MAP6: variants seen among roughly 807,000 people sequenced by gnomAD.
MAP6 encodes microtubule associated protein 6, also known as microtubule-associated protein 6.
MAP6 carries 26 observed loss-of-function variants against 42.4 expected under a neutral mutation model. The ratio of observed to expected loss-of-function variants is 0.61; its 90% CI spans 0.45 to 0.85. The LOEUF is 0.85. Among genes scored for constraint, MAP6 ranks in the 40% least tolerant of loss-of-function variants. The pLI, the probability that MAP6 is intolerant of heterozygous loss-of-function variation, is 0.00. For missense variants in MAP6, 966 were observed against 1,099.0 expected, an observed-to-expected ratio of 0.88 and a Z score of 1.71; for synonymous variants, 418 against 443.8, an observed-to-expected ratio of 0.94 and a Z score of 0.73.
chr11:75,618,617 C>T (rs138330717), intron 1 of MAP6, among the ~76,000 whole-genome samples: 71 of 152,110 alleles, frequency 4.7e-4, no homozygotes, highest in African/African-American at 1.6e-3. Context: ...AAAAAATTGA[C>T]TCTTATCCCT....
chr11:75,637,650 G>C (rs1177218376), intron 1 of MAP6, among the ~76,000 whole-genome samples: 1 of 152,212 alleles, frequency 6.6e-6, no homozygotes, highest in Non-Finnish European at 1.5e-5. Flanking sequence ...CACAAACCCT[G>C]CTGTCAGCCT....
chr11:75,633,225 TC>T lies in MAP6; in HGVS notation c.906-24904del, dbSNP rs756822953. Among the ~76,000 whole-genome samples the T allele has an allele frequency of 1.1e-3, 161 of 152,316 alleles. 1 individual carries two copies. The highest frequency in any genetic ancestry group is 2.4e-3 in the Admixed American group (36 of 15,310). Reference sequence around the variant, plus strand: ...GCTTGGGTTTGCTCATAAATCCCAATCCCACAGGACTTACGAAGGCAAATGA... The same window carrying T: ...GCTTGGGTTTGCTCATAAATCCCAATCCACAGGACTTACGAAGGCAAATGA... On this transcript the variant is annotated intron_variant, in intron 1 of 3. Coordinates refer to ENST00000304771, the MANE Select transcript of MAP6 (RefSeq NM_033063.2).
chr11:75,633,054 C>T (rs530260518), intron 1 of MAP6, among the ~76,000 whole-genome samples: 9 of 148,768 alleles, frequency 6.0e-5, no homozygotes, highest in African/African-American at 2.2e-4. Flanking sequence ...TTTAAAGGTA[C>T]TAATAGCATA....
chr11:75,597,901 TG>T (rs951872197), intron 3 of MAP6, among the ~76,000 whole-genome samples: 44 of 152,360 alleles, frequency 2.9e-4, no homozygotes, highest in African/African-American at 1.1e-3. Flanking sequence ...GCTGCCATAC[TG>T]TTAGGGACCA....
chr11:75,627,117 T>C (rs1943210889), intron 1 of MAP6, among the ~76,000 whole-genome samples: 1 of 152,194 alleles, frequency 6.6e-6, no homozygotes, highest in South Asian at 2.1e-4. Context: ...AGAGAGGAAA[T>C]ATGCAGAGCA....
chr11:75,649,166 T>C (rs956795549), intron 1 of MAP6, among the ~76,000 whole-genome samples: 1 of 152,002 alleles, frequency 6.6e-6, no homozygotes, highest in African/African-American at 2.4e-5. Flanking sequence ...ATAAATAATA[T>C]GTGATATTGT....
At chr11:75,613,674 G>C (rs1349063993) in intron 1 of MAP6, among the ~76,000 whole-genome samples, 1 of 152,202 alleles carries the variant, frequency 6.6e-6, no homozygotes, top group African/African-American at 2.4e-5. Flanking sequence ...AATCCTGCAG[G>C]GGCAGAAAGA....
intron 1 of MAP6, among the ~76,000 whole-genome samples, chr11:75,637,314 A>G (rs1039236167): frequency 6.6e-6 from 1 of 152,224 alleles, no homozygotes; most frequent in Non-Finnish European, 1.5e-5. Flanking sequence ...CAATCATGCA[A>G]GAAAAGCATT....
intron 1 of MAP6, among the ~76,000 whole-genome samples, chr11:75,655,196 T>C (rs893304040): frequency 1.3e-5 from 2 of 152,212 alleles, no homozygotes; most frequent in African/African-American, 4.8e-5. Flanking sequence ...AAAATAATAT[T>C]AGGCCCACTG....
At chr11:75,648,699 C>G (rs1358340371) in intron 1 of MAP6, among the ~76,000 whole-genome samples, 1 of 151,904 alleles carries the variant, frequency 6.6e-6, no homozygotes, top group Admixed American at 6.6e-5. Context: ...AGACAAACCA[C>G]AGAAAAAAGA....
At chr11:75,649,148 A>C (rs1943608184) in intron 1 of MAP6, among the ~76,000 whole-genome samples, 1 of 152,226 alleles carries the variant, frequency 6.6e-6, no homozygotes, top group Non-Finnish European at 1.5e-5. Flanking sequence ...CTAAACATAA[A>C]TAGGGAAATA....
chr11:75,632,447 G>A (rs1189572465), intron 1 of MAP6, among the ~76,000 whole-genome samples: 2 of 152,168 alleles, frequency 1.3e-5, no homozygotes, highest in Admixed American at 1.3e-4. Context: ...GAAGTGGACT[G>A]CATGAACTAC....
At chr11:75,650,132 C>T (rs993323441) in intron 1 of MAP6, among the ~76,000 whole-genome samples, 5 of 152,194 alleles carry the variant, frequency 3.3e-5, no homozygotes, top group South Asian at 2.1e-4. Context: ...TTTGACATCA[C>T]GCACCCAGGC....
intron 1 of MAP6, among the ~76,000 whole-genome samples, chr11:75,651,550 C>T (rs1056508570): frequency 4.6e-5 from 7 of 152,116 alleles, no homozygotes; most frequent in Admixed American, 2.6e-4. Flanking sequence ...CATGTTGTAG[C>T]CCCGAAGGGA....
chr11:75,627,300 T>G (rs1347337838), intron 1 of MAP6, among the ~76,000 whole-genome samples: 1 of 152,262 alleles, frequency 6.6e-6, no homozygotes, highest in Non-Finnish European at 1.5e-5. Flanking sequence ...CAGCAGCAGC[T>G]GGCCTCACAC....
At chr11:75,614,123 G>A (rs1473100658) in intron 1 of MAP6, among the ~76,000 whole-genome samples, 3 of 152,146 alleles carry the variant, frequency 2.0e-5, no homozygotes, top group African/African-American at 7.2e-5. Context: ...TACCTGTGTA[G>A]ATGACTTTCT....
intron 1 of MAP6, among the ~76,000 whole-genome samples, chr11:75,660,282 A>G (rs1316167968): frequency 6.6e-6 from 1 of 152,176 alleles, no homozygotes; most frequent in Non-Finnish European, 1.5e-5. Flanking sequence ...AACATCCACA[A>G]GATGATTGTT....
chr11:75,616,780 G>A (rs1368484182), intron 1 of MAP6, among the ~76,000 whole-genome samples: 2 of 152,074 alleles, frequency 1.3e-5, no homozygotes, highest in Non-Finnish European at 2.9e-5. Context: ...TTGTGTGAGA[G>A]GGAGAAAAAA....
At chr11:75,653,737 C>CA (rs1165444368) in intron 1 of MAP6, among the ~76,000 whole-genome samples, 11 of 152,192 alleles carry the variant, frequency 7.2e-5, no homozygotes, top group Non-Finnish European at 1.6e-4. Flanking sequence ...CATGGTGACT[C>CA]AGAGATGCTT....
Sources: gnomAD v4.1 joint callset for allele counts (sites outside exome capture counted in the v4.1 genomes callset) on GRCh38, gnomAD v4.1.1 for gene constraint, MANE v1.5 for transcripts, NCBI Gene and HGNC (gene_info 2026-07-23, HGNC 2026-07-21) for gene names.